Variants in PHLPP1 observed in about 807,000 individuals in gnomAD.
PHLPP1 encodes the protein PH domain leucine-rich repeat-containing protein phosphatase 1.
PHLPP1 carries 42 observed loss-of-function variants against 117.2 expected under a neutral mutation model. The ratio of observed to expected loss-of-function variants is 0.36; its 90% CI spans 0.28 to 0.46. The LOEUF (loss-of-function observed/expected upper bound fraction) is 0.46. Among genes scored for constraint, PHLPP1 ranks in the 20% least tolerant of loss-of-function variants. The pLI, the probability that PHLPP1 is intolerant of heterozygous loss-of-function variation, is 1.00. For missense variants in PHLPP1, 2,084 were observed against 2,241.9 expected (o/e 0.93, Z 1.42); for synonymous variants, 1,042 against 970.7 (o/e 1.07, Z -1.37).
chr18:62,797,215 G>A (rs753214322), intron 1 of PHLPP1, among the ~76,000 whole-genome samples: 3 of 152,162 alleles, frequency 2.0e-5, no homozygotes, highest in Non-Finnish European at 4.4e-5. Context: ...TCCGAAAGAT[G>A]TTCACATCTT....
intron 4 of PHLPP1, among the ~76,000 whole-genome samples, chr18:62,871,824 TA>T (rs1395626981): frequency 7.4e-4 from 113 of 151,860 alleles, no homozygotes; most frequent in African/African-American, 2.6e-3. Context: ...TTTGTATTTT[TA>T]GTAGAGATGG....
chr18:62,894,578 A>G (rs1301654278), intron 4 of PHLPP1, among the ~76,000 whole-genome samples: 1 of 152,164 alleles, frequency 6.6e-6, no homozygotes, highest in Non-Finnish European at 1.5e-5. Context: ...TTATTATTTC[A>G]GTTTTGGGTT....
Position 62,794,343 on chromosome 18 carries a change from G to GT in PHLPP1, c.1577-35691dup, listed in dbSNP as rs780433745. ...GGGAATGACTTTTCATTCCACAAGTGTATTTTTTGTTGAGAGTTTAATTAT... is the reference window on the plus strand; with the variant it reads ...GGGAATGACTTTTCATTCCACAAGTGTTATTTTTTGTTGAGAGTTTAATTAT... On this transcript the variant is annotated intron_variant, in intron 1 of 16. Transcript: ENST00000262719. 9.3e-5 allele frequency among the ~76,000 whole-genome samples: 14 copies of GT among 150,290 alleles called. 1 individual carries two copies. In the South Asian group the frequency reaches 1.1e-3, roughly 11 times the overall value.
chr18:62,777,086 A>G (rs1912982080), intron 1 of PHLPP1, among the ~76,000 whole-genome samples: 1 of 152,242 alleles, frequency 6.6e-6, no homozygotes, highest in Non-Finnish European at 1.5e-5. Context: ...TTAGCAACCC[A>G]ATGGTAGATG....
intron 9 of PHLPP1, 147 bp from the exon 10 acceptor site, chr18:62,919,812 A>G (rs1302004958): frequency 1.2e-5 from 8 of 642,462 alleles, no homozygotes; most frequent in Non-Finnish European, 2.2e-5. Context: ...GAGTATATAG[A>G]AAGTATTGAA....
At chr18:62,905,734 G>T (rs8089852) in intron 8 of PHLPP1, among the ~76,000 whole-genome samples, 19,863 of 151,744 alleles carry the variant, frequency 0.13, 1,723 homozygotes, top group African/African-American at 0.24. Flanking sequence ...ATATCTCTTC[G>T]CTAAAAATTC....
intron 4 of PHLPP1, among the ~76,000 whole-genome samples, chr18:62,872,732 A>G (rs545698215): frequency 6.6e-6 from 1 of 151,436 alleles, no homozygotes; most frequent in Non-Finnish European, 1.5e-5. Flanking sequence ...CACGCCTGTA[A>G]TCCCAGCACT....
chr18:62,807,640 G>A (rs1913987490), intron 1 of PHLPP1, among the ~76,000 whole-genome samples: 1 of 152,182 alleles, frequency 6.6e-6, no homozygotes, highest in African/African-American at 2.4e-5. Context: ...ATGCTGTATG[G>A]TATATAGCCT....
Position 62,972,667 on chromosome 18 carries a change from C to A in PHLPP1, c.3714C>A (p.Asn1238Lys), listed in dbSNP as rs761593176. ...CTGAAGAGCTGCAAAAAACAAAAAA[C>A]GAAGAAGAATACATGGTCAATACAT... is the stretch of plus-strand genomic sequence containing the variant. ...ILAEELQKTK[N>K]EEEYMVNTFI... is the part of the protein sequence containing the mutation. Residue 1238 changes from asparagine (N) to lysine (K), a missense_variant, in exon 15 of 17, where the codon AAC becomes AAA. By Grantham distance (94) the Asn-to-Lys change is moderately conservative. This residue lies in a region of PHLPP1 where 1,365 missense variants were observed against 1,605.9 expected (regional missense o/e 0.85). Transcript: ENST00000262719. 1 of 1,613,712 alleles carries A rather than the reference C, an allele frequency of 6.2e-7. No homozygotes were observed. The highest frequency in any genetic ancestry group is 8.5e-7 in the Non-Finnish European group (1 of 1,179,674).
intron 1 of PHLPP1, among the ~76,000 whole-genome samples, chr18:62,766,060 C>CAAAAAAAAAA (rs1168861892): frequency 6.6e-5 from 1 of 15,224 alleles, no homozygotes; most frequent in Non-Finnish European, 1.2e-4. Flanking sequence ...GACTCCATCT[C>CAAAAAAAAAA]AAAAAAAAAA....
At chr18:62,766,381 C>T (rs1334693105) in intron 1 of PHLPP1, among the ~76,000 whole-genome samples, 1 of 151,782 alleles carries the variant, frequency 6.6e-6, no homozygotes, top group Non-Finnish European at 1.5e-5. Context: ...TCACTTTAGT[C>T]TTCCCTAGGG....
intron 10 of PHLPP1, among the ~76,000 whole-genome samples, chr18:62,924,677 A>G (rs860071): frequency 0.057 from 1,783 of 31,278 alleles, 113 homozygotes; most frequent in Middle Eastern, 0.11. Context: ...CTACAAATTG[A>G]AAAAAAAAAA....
intron 2 of PHLPP1, among the ~76,000 whole-genome samples, chr18:62,836,311 A>G (rs981486768): frequency 2.5e-4 from 38 of 150,830 alleles, no homozygotes; most frequent in Admixed American, 2.2e-3. Flanking sequence ...AGGCGCCTGT[A>G]ATCCCAGTTA....
At chr18:62,942,861 G>A (rs1369473887) in intron 11 of PHLPP1, among the ~76,000 whole-genome samples, 2 of 152,048 alleles carry the variant, frequency 1.3e-5, no homozygotes, top group Non-Finnish European at 2.9e-5. Flanking sequence ...AAGAAGGAAG[G>A]CCCGTGTATA....
At chr18:62,841,826 C>T (rs1915059591) in intron 3 of PHLPP1, among the ~76,000 whole-genome samples, 1 of 152,114 alleles carries the variant, frequency 6.6e-6, no homozygotes, top group African/African-American at 2.4e-5. Flanking sequence ...ATTTGATTAT[C>T]TTAGATTACT....
chr18:62,975,959 T>C (rs1156739322), intron 16 of PHLPP1, among the ~76,000 whole-genome samples: 1 of 152,224 alleles, frequency 6.6e-6, no homozygotes, highest in African/African-American at 2.4e-5. Context: ...CTCTGCCACT[T>C]GTAGGTTGTG....
chr18:62,732,904 A>G lies in PHLPP1; in HGVS notation c.1576+15645A>G, dbSNP rs577537547. On this transcript the variant is annotated intron_variant, in intron 1 of 16. Coordinates refer to ENST00000262719, the MANE Select transcript of PHLPP1 (RefSeq NM_194449.4). The stretch of plus-strand genomic sequence containing the variant: ...ATTAGAAGTGGAGCCTGGAGATGAG[A>G]CTGAATTGCTGCAATCTCATGATGA... 2.0e-5 allele frequency among the ~76,000 whole-genome samples: 3 copies of G among 152,298 alleles called. No homozygotes were observed. The East Asian group carries it at 5.8e-4, about 29-fold the overall frequency.
chr18:62,773,614 G>C (rs1157412653), intron 1 of PHLPP1, among the ~76,000 whole-genome samples: 1 of 152,138 alleles, frequency 6.6e-6, no homozygotes, highest in Non-Finnish European at 1.5e-5. Flanking sequence ...GATGGGTTCT[G>C]TTTGTTTGTT....
intron 8 of PHLPP1, among the ~76,000 whole-genome samples, chr18:62,913,741 T>C (rs979150372): frequency 7.1e-5 from 10 of 141,794 alleles, no homozygotes; most frequent in East Asian, 4.0e-4. Context: ...CTCTCTCTCT[T>C]TTTTTTTTTT....
Sources: gnomAD v4.1 joint callset for allele counts (sites outside exome capture counted in the v4.1 genomes callset) on GRCh38, gnomAD v4.1.1 for gene constraint, gnomAD v4.1.1 regional missense constraint, MANE v1.5 for transcripts, NCBI Gene and HGNC (gene_info 2026-07-23, HGNC 2026-07-21) for gene names.